The following PUM3 variants were observed in gnomAD, a reference collection of about 807,000 sequenced individuals.
PUM3 encodes pumilio homolog 3.
PUM3 carries 91 observed loss-of-function variants against 84.0 expected under a neutral mutation model. The observed-to-expected ratio is 1.08, with a 90% CI of 0.91 to 1.29. The LOEUF (loss-of-function observed/expected upper bound fraction) is 1.29, where lower values mean the gene tolerates loss of function less well. Ranked by LOEUF, PUM3 falls within the 50% of genes most tolerant of loss-of-function variation. The pLI, the probability that PUM3 is intolerant of heterozygous loss-of-function variation, is 0.00. For synonymous variants in PUM3, 321 were observed against 266.7 expected (o/e 1.20, Z -1.98); for missense variants, 1,067 against 767.5 (o/e 1.39, Z -4.61).
chr9:2,837,200 T>C lies in PUM3; in HGVS notation c.284A>G (p.Gln95Arg). The C allele has an allele frequency of 1.2e-6, 2 of 1,614,118 alleles. No individual in the cohort carries two copies. The highest frequency in any genetic ancestry group is 1.7e-6 in the Non-Finnish European group (2 of 1,179,958). The change falls in exon 3 of 18, where the codon CAG (glutamine) becomes CGG (arginine). Residue 95 changes from glutamine to arginine, a missense_variant. Physicochemically the swap from Gln to Arg is conservative, Grantham distance 43 (BLOSUM62 1). Transcript: ENST00000397885. ...ANKFNKKRKF[Q>R]PDGRSDESAA... ...CTTACCATCGCTTCTACCATCTGGCTGGAATTTTCTCTTCTTGTTGAATTT... is the reference window on the plus strand; with the variant it reads ...CTTACCATCGCTTCTACCATCTGGCCGGAATTTTCTCTTCTTGTTGAATTT...
At chr9:2,805,681 TAGTA>T (rs1391966418) in intron 17 of PUM3, among the ~76,000 whole-genome samples, 5 of 152,236 alleles carry the variant, frequency 3.3e-5, no homozygotes, top group African/African-American at 1.2e-4. Flanking sequence ...CAACACATAA[TAGTA>T]AGTTATTGCT....
intron 15 of PUM3, 31 bp downstream of exon 15, chr9:2,811,330 C>T (rs202243281): frequency 6.2e-7 from 1 of 1,605,088 alleles, no homozygotes; most frequent in Admixed American, 1.7e-5. Flanking sequence ...GCCTTTGCAG[C>T]TTTCCTGCCT....
At position 2,837,323 on chromosome 9, in the gene PUM3, T is replaced by A. The variant is rs779040568; in HGVS notation, c.161A>T (p.Glu54Val). ...GGPKVTSRNF[E>V]KSITKLGKKG... ...TTTCCCAAGTTTTGTGATACTTTTC[T>A]CAAAGTTCCTAGATGTGACTTTAGG... The change falls in exon 3 of 18, where the codon GAG (glutamate) becomes GTG (valine). Residue 54 changes from glutamate to valine, a missense_variant. By Grantham distance (121) the Glu-to-Val change is moderately radical. Transcript: ENST00000397885. 1.9e-6 allele frequency: 3 copies of A among 1,613,978 alleles called. No individual in the cohort carries two copies. The highest frequency in any genetic ancestry group is 2.7e-5 in the African/African-American group (2 of 74,932).
Position 2,829,794 on chromosome 9 carries a change from T to A in PUM3, c.832A>T (p.Asn278Tyr), listed in dbSNP as rs770534523. 1.9e-6 allele frequency: 3 copies of A among 1,613,104 alleles called. No homozygotes were observed. The highest frequency in any genetic ancestry group is 1.7e-6 in the Non-Finnish European group (2 of 1,179,392). Residue 278 changes from asparagine (N) to tyrosine (Y), a missense_variant, in exon 8 of 18, where the codon AAC becomes TAC. Coordinates refer to ENST00000397885, the MANE Select transcript of PUM3 (RefSeq NM_014878.5). Reference sequence around the variant, plus strand: ...GTCACCTTGTAAAGCTGAAATGTGTTCCCATAGAGCTCTTCCGTCAGCATG... The same window carrying A: ...GTCACCTTGTAAAGCTGAAATGTGTACCCATAGAGCTCTTCCGTCAGCATG... Reference protein sequence around the residue: ...RNMLTEELYGNTFQLYKSADH... With the variant: ...RNMLTEELYGYTFQLYKSADH...
chr9:2,828,745 C>G lies in PUM3; in HGVS notation c.886G>C (p.Glu296Gln), dbSNP rs201465798. 7.9e-5 allele frequency: 127 copies of G among 1,607,858 alleles called. 1 individual carries two copies. In the East Asian group the frequency reaches 1.2e-3, roughly 15 times the overall value. ...AGTTCTAATTTTTCTGGCTGTACCT[C>G]TAACACTTTGTCCAGAGTTCGGTGA... ...ADHRTLDKVL[E>Q]VQPEKLELIM... Residue 296 changes from glutamate to glutamine, a missense_variant, in exon 9 of 18, where the codon GAG (glutamate) becomes CAG (glutamine). Physicochemically the swap from Glu to Gln is conservative, Grantham distance 29 (BLOSUM62 2). Transcript: ENST00000397885.
chr9:2,815,024 G>A lies in PUM3; in HGVS notation c.1270-2662C>T, dbSNP rs554318594. Among the ~76,000 whole-genome samples the A allele has an allele frequency of 3.9e-5, 6 of 152,154 alleles. No individual in the cohort carries two copies. In the East Asian group the frequency reaches 1.2e-3, roughly 29 times the overall value. ...AATGGTTTTATAAAATGAGAAACTGGGACTTCATGATATGCATAAAACCTG... is the reference window on the plus strand; with the variant it reads ...AATGGTTTTATAAAATGAGAAACTGAGACTTCATGATATGCATAAAACCTG... On this transcript the variant is annotated intron_variant, in intron 13 of 17. Coordinates refer to ENST00000397885, the MANE Select transcript of PUM3 (RefSeq NM_014878.5).
chr9:2,815,425 C>A (rs775910538), intron 13 of PUM3, among the ~76,000 whole-genome samples: 3 of 152,080 alleles, frequency 2.0e-5, no homozygotes, highest in Non-Finnish European at 4.4e-5. Flanking sequence ...CTAACAATTC[C>A]AGTAACATGT....
At chr9:2,828,808 C>T (rs1219578252) in intron 8 of PUM3, 30 bp from the exon 9 acceptor site, 5 of 1,195,730 alleles carry the variant, frequency 4.2e-6, no homozygotes, top group Non-Finnish European at 6.2e-6. Flanking sequence ...TCAAACCCCT[C>T]TAAATTTAAT....
chr9:2,816,074 T>A (rs928819021), intron 13 of PUM3, among the ~76,000 whole-genome samples: 2 of 152,184 alleles, frequency 1.3e-5, no homozygotes, highest in African/African-American at 4.8e-5. Context: ...TGTGCGTTTT[T>A]GGTTGAGGGT....
Position 2,824,743 on chromosome 9 carries a change from G to T in PUM3, c.1108C>A (p.His370Asn), listed in dbSNP as rs1641153129. The T allele has an allele frequency of 6.3e-7, 1 of 1,581,620 alleles. No homozygotes were observed. Residue 370 changes from histidine to asparagine, a missense_variant, in exon 11 of 18, where the codon CAC (histidine) becomes AAC (asparagine). Physicochemically the swap from His to Asn is moderately conservative, Grantham distance 68. Transcript: ENST00000397885. ...TTGGGCGTGCCATGCCACAGGCAGT[G>T]CATGGCCACTCTGGCGCCATCGTGT... ...HTHDGARVAM[H>N]CLWHGTPKDR...
chr9:2,810,317 A>T, intron 16 of PUM3, 27 bp downstream of exon 16: 2 of 1,454,482 alleles, frequency 1.4e-6, no homozygotes, highest in Non-Finnish European at 1.9e-6. Context: ...CATGAGATAC[A>T]AGAAAAGGTC....
intron 1 of PUM3, among the ~76,000 whole-genome samples, chr9:2,842,131 T>A (rs1001392169): frequency 6.6e-6 from 1 of 152,224 alleles, no homozygotes; most frequent in Non-Finnish European, 1.5e-5. Context: ...CTGGGCAAAA[T>A]GCAATTTGCT....
At chr9:2,838,352 G>A in intron 2 of PUM3, 74 bp downstream of exon 2, 1 of 971,494 alleles carries the variant, frequency 1.0e-6, no homozygotes, top group East Asian at 2.4e-5. Context: ...AATGAATACA[G>A]ATTGAAATTT....
chr9:2,839,690 C>G (rs1161597698), intron 1 of PUM3, among the ~76,000 whole-genome samples: 2 of 152,184 alleles, frequency 1.3e-5, no homozygotes, highest in Non-Finnish European at 2.9e-5. Flanking sequence ...CTGAATTACT[C>G]AGCTTCCTCA....
chr9:2,812,091 C>A, intron 14 of PUM3, 129 bp downstream of exon 14: 1 of 791,670 alleles, frequency 1.3e-6, no homozygotes. Context: ...AAAATATAGG[C>A]TTGAAAATGG....
chr9:2,826,784 GAGTT>G (rs1402425498), intron 10 of PUM3, among the ~76,000 whole-genome samples: 2 of 151,846 alleles, frequency 1.3e-5, no homozygotes, highest in African/African-American at 2.4e-5. Context: ...ATTCCTCCAC[GAGTT>G]AGTTAATTTT....
At chr9:2,809,568 C>T (rs1821324728) in intron 16 of PUM3, among the ~76,000 whole-genome samples, 1 of 152,160 alleles carries the variant, frequency 6.6e-6, no homozygotes, top group African/African-American at 2.4e-5. Context: ...TCAGAGCTGC[C>T]ACTTGCCGCA....
intron 3 of PUM3, among the ~76,000 whole-genome samples, chr9:2,835,101 CAT>C (rs1158926247): frequency 1.3e-5 from 2 of 151,786 alleles, no homozygotes; most frequent in Admixed American, 6.6e-5. Context: ...CTTCTCCATA[CAT>C]GTTTTAATCT....
intron 11 of PUM3, among the ~76,000 whole-genome samples, chr9:2,824,389 C>T (rs1360139368): frequency 1.3e-5 from 2 of 152,122 alleles, no homozygotes; most frequent in Non-Finnish European, 2.9e-5. Context: ...CCATTTTCCC[C>T]TGCCACAGTA....
Sources: gnomAD v4.1 joint callset for allele counts (sites outside exome capture counted in the v4.1 genomes callset) on GRCh38, gnomAD v4.1.1 for gene constraint, MANE v1.5 for transcripts, NCBI Gene and HGNC (gene_info 2026-07-23, HGNC 2026-07-21) for gene names.